The following LRIG3 variants were observed in gnomAD, a reference collection of about 807,000 sequenced individuals.
The protein encoded by LRIG3 is leucine-rich repeats and immunoglobulin-like domains protein 3.
In LRIG3, 76 loss-of-function variants were observed where a neutral mutation model predicts 114.5. That is an observed-to-expected ratio of 0.66 (90% CI 0.55 to 0.80). The LOEUF (loss-of-function observed/expected upper bound fraction) is 0.80. LRIG3 is among the 30% of genes least tolerant of loss of function. LRIG3 has a pLI of 0.00. For synonymous variants in LRIG3, 512 were observed against 519.8 expected (o/e 0.98, Z 0.20); for missense variants, 1,239 against 1,382.8 (o/e 0.90, Z 1.65).
chr12:58,920,356 C>A lies in LRIG3; in HGVS notation c.-121G>T, dbSNP rs544003001. 1.2e-5 allele frequency: 8 copies of A among 651,562 alleles called. No homozygotes were observed. Among genetic ancestry groups the A allele is most frequent in the Non-Finnish European group, 1.8e-5 (8 of 445,504 alleles). 40.4% of individuals were successfully genotyped at this position (651,562 alleles called of 1,614,324 possible). ...CGCGGTCGCGTGCGCGCTCCTCCCTCGCGCTGCCCGGTCAATTCCTTCTTT... is the reference window on the plus strand; with the variant it reads ...CGCGGTCGCGTGCGCGCTCCTCCCTAGCGCTGCCCGGTCAATTCCTTCTTT... On this transcript the variant is annotated 5_prime_UTR_variant, in exon 1 of 19. Coordinates refer to ENST00000320743, the MANE Select transcript of LRIG3 (RefSeq NM_153377.5).
At chr12:58,904,357 G>A (rs1393065124) in intron 3 of LRIG3, among the ~76,000 whole-genome samples, 3 of 152,134 alleles carry the variant, frequency 2.0e-5, no homozygotes, top group Non-Finnish European at 4.4e-5. Flanking sequence ...TAGCTTTATT[G>A]TCTTGTCTCT....
chr12:58,906,332 C>T (rs1872065275), intron 3 of LRIG3, among the ~76,000 whole-genome samples: 1 of 152,152 alleles, frequency 6.6e-6, no homozygotes, highest in African/African-American at 2.4e-5. Context: ...GAGATACCCT[C>T]ACTTGAAAAC....
At chr12:58,907,444 T>C (rs865870681) in intron 3 of LRIG3, among the ~76,000 whole-genome samples, 9 of 152,202 alleles carry the variant, frequency 5.9e-5, no homozygotes, top group Non-Finnish European at 1.0e-4. Flanking sequence ...CATCTCTTGC[T>C]GCCAGGATAA....
chr12:58,914,004 C>T lies in LRIG3; in HGVS notation c.361G>A (p.Ala121Thr). The T allele has an allele frequency of 6.2e-7, 1 of 1,612,122 alleles. No individual in the cohort carries two copies. The highest frequency in any genetic ancestry group is 8.5e-7 in the Non-Finnish European group (1 of 1,179,562). ...TACAAGGAGAGAAGTGTAATATTTG[C>T]CGAGACTGGTCCCAGATTTGGAATG... Reference protein sequence around the residue: ...ETIPNLGPVSANITLLSLAGN... With the variant: ...ETIPNLGPVSTNITLLSLAGN... The change falls in exon 3 of 19, where the codon GCA (alanine) becomes ACA (threonine). Residue 121 changes from alanine to threonine, a missense_variant. Transcript: ENST00000320743.
chr12:58,920,253 G>C lies in LRIG3; in HGVS notation c.-18C>G. The C allele has an allele frequency of 7.5e-7, 1 of 1,336,168 alleles. No homozygotes were observed. The highest frequency in any genetic ancestry group is 9.5e-7 in the Non-Finnish European group (1 of 1,049,798). 82.8% of individuals were successfully genotyped at this position (1,336,168 alleles called of 1,614,324 possible). A position where few individuals can be genotyped will look rare whatever the true frequency, so the allele number is the denominator to read the frequency against. On this transcript the variant is annotated 5_prime_UTR_variant, in exon 1 of 19. Coordinates refer to ENST00000320743, the MANE Select transcript of LRIG3 (RefSeq NM_153377.5). ...GCGCTCATCGCGGTCCAGCGGCCTA[G>C]GTCTCTACCCGAAGCTCCCAGCCGG... is the stretch of plus-strand genomic sequence containing the variant.
In LRIG3 at chr12:58,920,392, G is replaced by A; in HGVS notation, c.-157C>T. ...GTCAATTCCTTCTTTTACTCCCGGC[G>A]GCGAAGCCCTTTCATGCCCCCAAAC... On this transcript the variant is annotated 5_prime_UTR_variant, in exon 1 of 19. Transcript: ENST00000320743. The A allele has an allele frequency of 2.0e-6, 1 of 497,170 alleles. No homozygotes were observed. The highest frequency in any genetic ancestry group is 3.3e-6 in the Non-Finnish European group (1 of 307,502). The allele number at this position is 497,170 out of a possible 1,614,324, so 30.8% of individuals were successfully genotyped here.
chr12:58,876,907 T>A (rs1031801657), intron 15 of LRIG3, among the ~76,000 whole-genome samples: 5 of 152,246 alleles, frequency 3.3e-5, no homozygotes, highest in African/African-American at 1.2e-4. Flanking sequence ...CATGGGACAG[T>A]ATCTAAGCTT....
chr12:58,883,084 C>A (rs372621023), intron 11 of LRIG3, 52 bp from the exon 12 acceptor site: 2 of 1,525,688 alleles, frequency 1.3e-6, no homozygotes, highest in Non-Finnish European at 1.8e-6. Context: ...CAGATTTCTA[C>A]AAGTAAACTA....
intron 3 of LRIG3, among the ~76,000 whole-genome samples, chr12:58,899,208 C>T (rs1871754589): frequency 6.6e-6 from 1 of 152,230 alleles, no homozygotes; most frequent in African/African-American, 2.4e-5. Context: ...GCACAGTCCT[C>T]ATAGGACCAT....
chr12:58,873,771 G>A (rs1207317228), intron 18 of LRIG3: 3 of 465,224 alleles, frequency 6.4e-6, no homozygotes, highest in African/African-American at 3.9e-5. Flanking sequence ...CTGACAAGCT[G>A]AGCTCCTAAG....
Position 58,877,840 on chromosome 12 carries a change from A to G in LRIG3, c.2096T>C (p.Phe699Ser). ...ATLTVLETPS[F>S]LRPLLDRTVT... ...AGTTCGGTCCAACAGTGGCCGCAAAAATGATGGTGTTTCTGAAATAACAAG... is the reference window on the plus strand; with the variant it reads ...AGTTCGGTCCAACAGTGGCCGCAAAGATGATGGTGTTTCTGAAATAACAAG... The change falls in exon 15 of 19, where the codon TTT becomes TCT. Residue 699 changes from phenylalanine (F) to serine (S), a missense_variant. Phe to Ser is a radical substitution (Grantham distance 155). Coordinates refer to ENST00000320743, the MANE Select transcript of LRIG3 (RefSeq NM_153377.5). 2 of 1,597,270 alleles carry G rather than the reference A, an allele frequency of 1.3e-6. No homozygotes were observed. The highest frequency in any genetic ancestry group is 1.7e-6 in the Non-Finnish European group (2 of 1,166,520).
chr12:58,877,803 T>C lies in LRIG3; in HGVS notation c.2133A>G (p.Gly711=). The change falls in exon 15 of 19, where the codon GGA becomes GGG. Residue 711 remains glycine, a synonymous_variant. Coordinates refer to ENST00000320743, the MANE Select transcript of LRIG3 (RefSeq NM_153377.5). ...RPLLDRTVTK[G]ETAVLQCIAG... ...CAATGCACTGTAGGACGGCTGTTTC[T>C]CCCTTGGTTACAGTTCGGTCCAACA... 2.5e-6 allele frequency: 4 copies of C among 1,614,018 alleles called. No individual in the cohort carries two copies. Among genetic ancestry groups the C allele is most frequent in the African/African-American group, 1.3e-5 (1 of 75,042 alleles).
chr12:58,918,148 A>AGT (rs1872546010), intron 1 of LRIG3, among the ~76,000 whole-genome samples: 1 of 152,256 alleles, frequency 6.6e-6, no homozygotes, highest in African/African-American at 2.4e-5. Flanking sequence ...CAACAGACTG[A>AGT]GTGCTTATTT....
chr12:58,887,047 T>C, intron 8 of LRIG3, 157 bp from the exon 9 acceptor site: 3 of 575,148 alleles, frequency 5.2e-6, no homozygotes, highest in Non-Finnish European at 9.1e-6. Context: ...CCAACTTACC[T>C]CTTACACCCT....
chr12:58,876,448 T>G lies in LRIG3; in HGVS notation c.2692A>C (p.Ser898Arg). 1 of 1,613,950 alleles carries G rather than the reference T, an allele frequency of 6.2e-7. No homozygotes were observed. The highest frequency in any genetic ancestry group is 8.5e-7 in the Non-Finnish European group (1 of 1,179,904). Residue 898 changes from serine to arginine, a missense_variant, in exon 16 of 19, where the codon AGT becomes CGT. Physicochemically the swap from Ser to Arg is moderately radical, Grantham distance 110 (BLOSUM62 -1). Coordinates refer to ENST00000320743, the MANE Select transcript of LRIG3 (RefSeq NM_153377.5). Reference protein sequence around the residue: ...AGFFLPQHDSSGTCHIDNSSE... With the variant: ...AGFFLPQHDSRGTCHIDNSSE... Reference sequence around the variant, plus strand: ...CACATTCATTTTAAACACTTACCACTACTGTCATGTTGTGGTAAGAAAAAT... The same window carrying G: ...CACATTCATTTTAAACACTTACCACGACTGTCATGTTGTGGTAAGAAAAAT...
At chr12:58,902,828 T>G (rs1486338658) in intron 3 of LRIG3, among the ~76,000 whole-genome samples, 1 of 151,522 alleles carries the variant, frequency 6.6e-6, no homozygotes, top group Non-Finnish European at 1.5e-5. Context: ...TGTTTGGTTT[T>G]TCATCCTTGT....
At chr12:58,884,363 T>C (rs756025829) in intron 10 of LRIG3, among the ~76,000 whole-genome samples, 4 of 152,060 alleles carry the variant, frequency 2.6e-5, no homozygotes, top group Non-Finnish European at 5.9e-5. Flanking sequence ...GGTCACAGTA[T>C]ACAAAGGGAA....
Position 58,919,634 on chromosome 12 carries a change from T to G in LRIG3, c.236+366A>C, listed in dbSNP as rs1157027573. 6.9e-6 allele frequency: 10 copies of G among 1,447,378 alleles called. No individual in the cohort carries two copies. The Admixed American group carries it at 2.2e-4, about 33-fold the overall frequency. The allele number at this position is 1,447,378 out of a possible 1,614,324, so 89.7% of individuals were successfully genotyped here. A position where few individuals can be genotyped will look rare whatever the true frequency, so the allele number is the denominator to read the frequency against. On this transcript the variant is annotated intron_variant, in intron 1 of 18. Coordinates refer to ENST00000320743, the MANE Select transcript of LRIG3 (RefSeq NM_153377.5). Reference sequence around the variant, plus strand: ...CTCAGCGAGAACTGCAAACTCCTGATGTGTGCAGGTTGCCGCTTATCTCCC... The same window carrying G: ...CTCAGCGAGAACTGCAAACTCCTGAGGTGTGCAGGTTGCCGCTTATCTCCC...
chr12:58,907,858 T>C (rs1366762100), intron 3 of LRIG3, among the ~76,000 whole-genome samples: 2 of 152,068 alleles, frequency 1.3e-5, no homozygotes, highest in African/African-American at 4.8e-5. Context: ...TCTGAGACTG[T>C]AGTGGGCTGA....
Sources: allele counts gnomAD v4.1 joint callset (sites outside exome capture counted in the v4.1 genomes callset), GRCh38; gene constraint gnomAD v4.1.1; transcripts MANE v1.5; gene names NCBI Gene and HGNC (gene_info 2026-07-23, HGNC 2026-07-21).